Variants in NEGR1 observed in about 807,000 individuals in gnomAD.
The protein encoded by NEGR1 is neuronal growth regulator 1, also known as IgLON family member 4.
In NEGR1, 10 loss-of-function variants were observed where a neutral mutation model predicts 40.9. The ratio of observed to expected loss-of-function variants is 0.24; its 90% confidence interval spans 0.15 to 0.42. The LOEUF is 0.42. Ranked by LOEUF, NEGR1 falls within the 10% of genes least tolerant of loss-of-function variation. The pLI, the probability that NEGR1 is intolerant of heterozygous loss-of-function variation, is 1.00. For missense variants in NEGR1, 352 were observed against 438.9 expected, an observed-to-expected ratio of 0.80 and a Z score of 1.77; for synonymous variants, 185 against 166.8, an observed-to-expected ratio of 1.11 and a Z score of -0.84.
chr1:71,895,114 A>T (rs1226284098), intron 2 of NEGR1, among the ~76,000 whole-genome samples: 1 of 152,136 alleles, frequency 6.6e-6, no homozygotes, highest in Non-Finnish European at 1.5e-5. Flanking sequence ...CTAGGGTAAT[A>T]GGTACCTTTA....
intron 1 of NEGR1, among the ~76,000 whole-genome samples, chr1:71,939,862 T>C (rs1645943558): frequency 6.6e-6 from 1 of 152,196 alleles, no homozygotes; most frequent in African/African-American, 2.4e-5. Context: ...TATTATACCA[T>C]TTAAGCCTCA....
At chr1:71,686,621 C>G (rs908452675) in intron 4 of NEGR1, among the ~76,000 whole-genome samples, 4 of 152,136 alleles carry the variant, frequency 2.6e-5, no homozygotes, top group African/African-American at 7.2e-5. Context: ...CCAAAGCTAA[C>G]CCCAAACCAG....
chr1:71,859,838 G>C (rs770842205), intron 2 of NEGR1, among the ~76,000 whole-genome samples: 2 of 152,020 alleles, frequency 1.3e-5, no homozygotes, highest in Admixed American at 6.6e-5. Context: ...TAATTGTTCA[G>C]TAAAAGCTTT....
At chr1:72,223,538 C>T (rs1173869113) in intron 1 of NEGR1, among the ~76,000 whole-genome samples, 1 of 152,124 alleles carries the variant, frequency 6.6e-6, no homozygotes, top group Admixed American at 6.5e-5. Flanking sequence ...GTTTAAGTGG[C>T]CGTGACTATA....
At chr1:71,538,506 G>A (rs1647584004) in intron 6 of NEGR1, among the ~76,000 whole-genome samples, 1 of 151,692 alleles carries the variant, frequency 6.6e-6, no homozygotes, top group African/African-American at 2.4e-5. Flanking sequence ...CCCAGTCATT[G>A]TGGAGTGGAA....
chr1:71,884,515 T>A (rs958675735), intron 2 of NEGR1, among the ~76,000 whole-genome samples: 1 of 152,218 alleles, frequency 6.6e-6, no homozygotes, highest in Non-Finnish European at 1.5e-5. Flanking sequence ...ATTATTAAAA[T>A]TACAGAATTT....
intron 3 of NEGR1, among the ~76,000 whole-genome samples, chr1:71,718,437 G>T (rs1023114879): frequency 6.6e-6 from 1 of 152,122 alleles, no homozygotes; most frequent in Non-Finnish European, 1.5e-5. Context: ...CCAGCAGCAT[G>T]CTTCCTTTAA....
intron 1 of NEGR1, among the ~76,000 whole-genome samples, chr1:72,091,392 C>G (rs1569948491): frequency 7.0e-6 from 1 of 142,404 alleles, no homozygotes; most frequent in African/African-American, 2.6e-5. Context: ...CCTTTCCTCC[C>G]TCCCTCCCTT....
intron 1 of NEGR1, among the ~76,000 whole-genome samples, chr1:71,947,158 TTATA>T (rs1046995249): frequency 1.4e-5 from 2 of 147,700 alleles, no homozygotes; most frequent in Non-Finnish European, 3.0e-5. Context: ...ATGGATAACT[TTATA>T]TAGTTAATAT....
In NEGR1 at chr1:71,590,530, A is replaced by G. The variant is rs568407363; in HGVS notation, c.940+2287T>C. 2.6e-5 allele frequency among the ~76,000 whole-genome samples: 4 copies of G among 152,018 alleles called. No homozygotes were observed. The South Asian group carries it at 8.3e-4, about 32-fold the overall frequency. On this transcript the variant is annotated intron_variant, in intron 6 of 6. Coordinates refer to ENST00000357731, the MANE Select transcript of NEGR1 (RefSeq NM_173808.3). ...TCTAGTGCCGTGCTTTGCCGGGTGT[A>G]GGCATTGTAGATAAAAGCTTAGAAT...
At chr1:71,415,181 A>AT (rs1266001994) in intron 6 of NEGR1, among the ~76,000 whole-genome samples, 1 of 151,648 alleles carries the variant, frequency 6.6e-6, no homozygotes, top group African/African-American at 2.4e-5. Flanking sequence ...TAGTTCCATC[A>AT]TTTTTGACAG....
chr1:71,664,885 G>GT (rs778961970), intron 4 of NEGR1, among the ~76,000 whole-genome samples: 1 of 152,116 alleles, frequency 6.6e-6, no homozygotes, highest in Non-Finnish European at 1.5e-5. Flanking sequence ...CTAGAGAAAT[G>GT]TAAGTTTCTG....
rs552225695 is a variant in NEGR1 at position 71,486,435 on chromosome 1, G to A, written c.941-78865C>T. On this transcript the variant is annotated intron_variant, in intron 6 of 6. Transcript: ENST00000357731. ...GAAAGAAGAGGGCAAAACTCAACCCGTCTCTTTAGACTTGGGAAGAATATG... is the reference window on the plus strand; with the variant it reads ...GAAAGAAGAGGGCAAAACTCAACCCATCTCTTTAGACTTGGGAAGAATATG... The A allele has an allele frequency of 2.7e-5, 4 of 150,758 alleles. No homozygotes were observed. In the East Asian group the frequency reaches 7.9e-4, roughly 30 times the overall value. 9.3% of individuals were successfully genotyped at this position (150,758 alleles called of 1,614,324 possible). A position where few individuals can be genotyped will look rare whatever the true frequency, so the allele number is the denominator to read the frequency against.
chr1:71,631,035 C>A (rs1570128091), intron 4 of NEGR1, among the ~76,000 whole-genome samples: 1 of 151,924 alleles, frequency 6.6e-6, no homozygotes, highest in East Asian at 1.9e-4. Context: ...TTAACTTTTA[C>A]ACCAGCATTC....
At chr1:71,438,419 C>T (rs1046740955) in intron 6 of NEGR1, among the ~76,000 whole-genome samples, 2 of 151,972 alleles carry the variant, frequency 1.3e-5, no homozygotes, top group African/African-American at 4.8e-5. Flanking sequence ...TTTTGTATGT[C>T]GTGCTGAAAG....
chr1:71,935,133 A>T lies in NEGR1; in HGVS notation c.355T>A (p.Ser119Thr). 6.2e-7 allele frequency: 1 copy of T among 1,613,908 alleles called. No homozygotes were observed. The highest frequency in any genetic ancestry group is 8.5e-7 in the Non-Finnish European group (1 of 1,179,852). ...DVTDDGPYTC[S>T]VQTQHTPRTM... ...CTGGGTGTATGTTGAGTCTGAACAG[A>T]ACACGTGTATGGGCCATCATCTGTC... The change falls in exon 2 of 7, where the codon TCT (serine) becomes ACT (threonine). Residue 119 changes from serine (S) to threonine (T), a missense_variant. Ser to Thr is a moderately conservative substitution (Grantham distance 58). Transcript: ENST00000357731.
intron 3 of NEGR1, among the ~76,000 whole-genome samples, chr1:71,718,803 A>G (rs1347332965): frequency 6.6e-6 from 1 of 152,130 alleles, no homozygotes; most frequent in Non-Finnish European, 1.5e-5. Context: ...TGCTTCTCTC[A>G]TATTTCCCTT....
chr1:71,992,833 G>A (rs1017622444), intron 1 of NEGR1, among the ~76,000 whole-genome samples: 14 of 152,080 alleles, frequency 9.2e-5, no homozygotes, highest in Admixed American at 3.3e-4. Context: ...ATCTGTTTGC[G>A]TGTTTGTTTT....
chr1:72,143,442 A>C (rs1334214785), intron 1 of NEGR1, among the ~76,000 whole-genome samples: 1 of 151,876 alleles, frequency 6.6e-6, no homozygotes, highest in African/African-American at 2.4e-5. Flanking sequence ...AAGATACATA[A>C]ACTGATGTCC....
Sources: allele counts gnomAD v4.1 joint callset (sites outside exome capture counted in the v4.1 genomes callset), GRCh38; gene constraint gnomAD v4.1.1; transcripts MANE v1.5; gene names NCBI Gene and HGNC (gene_info 2026-07-23, HGNC 2026-07-21).